The following NAV2 variants were observed in gnomAD, a reference collection of about 807,000 sequenced individuals.
NAV2 encodes neuron navigator 2, also known as helicase, APC down-regulated 1.
A neutral mutation model predicts 223.2 loss-of-function variants in NAV2; 54 were observed. The ratio of observed to expected loss-of-function variants is 0.24; its 90% CI spans 0.19 to 0.30. NAV2 has a LOEUF of 0.30. NAV2 is among the 10% of genes least tolerant of loss of function. The pLI is 1.00. For synonymous variants in NAV2, 1,279 were observed against 1,239.3 expected (o/e 1.03, Z -0.67); for missense variants, 2,806 against 3,147.5 (o/e 0.89, Z 2.60).
intron 1 of NAV2, among the ~76,000 whole-genome samples, chr11:19,782,864 A>G (rs1365681030): frequency 2.0e-5 from 3 of 152,218 alleles, no homozygotes; most frequent in African/African-American, 7.2e-5. Context: ...CAGGGTAACA[A>G]GAAGGTGTGA....
intron 1 of NAV2, among the ~76,000 whole-genome samples, chr11:19,615,085 C>A (rs2046754939): frequency 6.6e-6 from 1 of 152,026 alleles, no homozygotes. Flanking sequence ...GTACTTTATA[C>A]CTATTGCCTG....
chr11:19,462,933 CA>C (rs1852216940), intron 1 of NAV2, among the ~76,000 whole-genome samples: 1 of 152,158 alleles, frequency 6.6e-6, no homozygotes, highest in Non-Finnish European at 1.5e-5. Flanking sequence ...CTACAGAGTC[CA>C]AAATTTGGCA....
chr11:19,849,608 G>T (rs1394232806), intron 3 of NAV2, among the ~76,000 whole-genome samples: 3 of 152,314 alleles, frequency 2.0e-5, no homozygotes, highest in Non-Finnish European at 4.4e-5. Flanking sequence ...CCCAACAGCT[G>T]CCAGAAAGCC....
chr11:19,777,254 G>A (rs902258078), intron 1 of NAV2, among the ~76,000 whole-genome samples: 41 of 151,596 alleles, frequency 2.7e-4, no homozygotes, highest in African/African-American at 8.9e-4. Context: ...CGCGGGCGCC[G>A]GTCTCCAGGG....
chr11:20,090,504 C>CA (rs2060764095), intron 26 of NAV2, among the ~76,000 whole-genome samples: 1 of 151,566 alleles, frequency 6.6e-6, no homozygotes, highest in Non-Finnish European at 1.5e-5. Context: ...AGTGAAACCA[C>CA]AAAAAGCAGG....
rs1565110187 is a variant in NAV2 at position 20,114,345 on chromosome 11, G to A, written c.6961-247G>A. On this transcript the variant is annotated intron_variant, in intron 36 of 37. Coordinates refer to ENST00000349880, the MANE Select transcript of NAV2 (RefSeq NM_145117.5). The stretch of plus-strand genomic sequence containing the variant: ...CACGGTGAGTCAGTGGCAGAGCTGA[G>A]ACATGAACCTAGATCAGCCTGACTC... The A allele has an allele frequency of 7.1e-6, 4 of 562,732 alleles. No homozygotes were observed. The South Asian group carries it at 8.5e-5, about 12-fold the overall frequency. 34.9% of individuals were successfully genotyped at this position (562,732 alleles called of 1,614,324 possible).
chr11:19,908,676 T>A (rs919040911), intron 6 of NAV2, among the ~76,000 whole-genome samples: 2 of 152,232 alleles, frequency 1.3e-5, no homozygotes, highest in Admixed American at 1.3e-4. Context: ...GATATGGTAT[T>A]TGACAGCACA....
chr11:19,496,907 T>C (rs749115378), intron 1 of NAV2, among the ~76,000 whole-genome samples: 3 of 152,204 alleles, frequency 2.0e-5, no homozygotes, highest in Non-Finnish European at 2.9e-5. Flanking sequence ...TGGCTCTCAA[T>C]GACAAGGGAA....
At chr11:19,372,841 G>A (rs1848517832) in intron 1 of NAV2, among the ~76,000 whole-genome samples, 1 of 152,174 alleles carries the variant, frequency 6.6e-6, no homozygotes, top group African/African-American at 2.4e-5. Flanking sequence ...TTGGGCTGTT[G>A]GAGTTTCTAG....
chr11:19,762,421 C>T (rs757021129), intron 1 of NAV2, among the ~76,000 whole-genome samples: 4 of 152,168 alleles, frequency 2.6e-5, no homozygotes, highest in Non-Finnish European at 5.9e-5. Flanking sequence ...TGTTTCTAGA[C>T]ATTTGTGGCT....
In NAV2 at chr11:19,921,721, C is replaced by T. The variant is rs546112145; in HGVS notation, c.932-11455C>T. On this transcript the variant is annotated intron_variant, in intron 6 of 37. Coordinates refer to ENST00000349880, the MANE Select transcript of NAV2 (RefSeq NM_145117.5). ...TAAAGTTGCCTAGCTCTAATCTGTTCGATCTTGGGTAACTTACTTAACCCC... is the reference window on the plus strand; with the variant it reads ...TAAAGTTGCCTAGCTCTAATCTGTTTGATCTTGGGTAACTTACTTAACCCC... 2.1e-4 allele frequency among the ~76,000 whole-genome samples: 32 copies of T among 152,206 alleles called. No individual in the cohort carries two copies. In the South Asian group the frequency reaches 6.0e-3, roughly 29 times the overall value.
intron 1 of NAV2, among the ~76,000 whole-genome samples, chr11:19,752,514 AAT>A (rs2053915393): frequency 6.6e-6 from 1 of 152,172 alleles, no homozygotes; most frequent in Non-Finnish European, 1.5e-5. Context: ...AAAAATTGTG[AAT>A]ATTTTGATCA....
intron 1 of NAV2, among the ~76,000 whole-genome samples, chr11:19,513,754 A>T (rs1338816552): frequency 6.6e-6 from 1 of 152,238 alleles, no homozygotes; most frequent in African/African-American, 2.4e-5. Context: ...AAATGAGGTT[A>T]TTGGAGTGGC....
At chr11:19,919,118 A>G (rs938065025) in intron 6 of NAV2, among the ~76,000 whole-genome samples, 1 of 152,146 alleles carries the variant, frequency 6.6e-6, no homozygotes, top group Non-Finnish European at 1.5e-5. Flanking sequence ...CCGAAGAGAA[A>G]TGTGGCCAAA....
At chr11:19,386,908 G>A (rs1325630236) in intron 1 of NAV2, among the ~76,000 whole-genome samples, 1 of 152,132 alleles carries the variant, frequency 6.6e-6, no homozygotes, top group African/African-American at 2.4e-5. Context: ...GAAGGACAGT[G>A]GGGTCTTTCT....
At chr11:19,587,180 G>T (rs555790853) in intron 1 of NAV2, among the ~76,000 whole-genome samples, 1 of 152,366 alleles carries the variant, frequency 6.6e-6, no homozygotes, top group East Asian at 1.9e-4. Flanking sequence ...TCCGAGCCAG[G>T]TGCAGGATAT....
intron 1 of NAV2, among the ~76,000 whole-genome samples, chr11:19,809,639 T>C (rs1003959882): frequency 1.3e-5 from 2 of 152,234 alleles, no homozygotes; most frequent in Non-Finnish European, 2.9e-5. Flanking sequence ...TGTTTCAGGA[T>C]CCCATCCAGG....
chr11:19,744,737 C>T (rs1484853761), intron 1 of NAV2, among the ~76,000 whole-genome samples: 1 of 152,210 alleles, frequency 6.6e-6, no homozygotes, highest in Non-Finnish European at 1.5e-5. Context: ...TCTATCCTTT[C>T]TTTACTCCAG....
intron 1 of NAV2, among the ~76,000 whole-genome samples, chr11:19,429,725 G>A (rs369418668): frequency 1.3e-5 from 2 of 152,182 alleles, no homozygotes; most frequent in African/African-American, 4.8e-5. Context: ...AACACTTCTA[G>A]GAGGTGGGCA....
Sources: allele counts gnomAD v4.1 joint callset (sites outside exome capture counted in the v4.1 genomes callset), GRCh38; gene constraint gnomAD v4.1.1; transcripts MANE v1.5; gene names NCBI Gene and HGNC (gene_info 2026-07-23, HGNC 2026-07-21).